NUDT16L1: variants seen among roughly 807,000 people sequenced by gnomAD.
The protein encoded by NUDT16L1 is nudix hydrolase 16 like 1.
In NUDT16L1, 19 loss-of-function variants were observed where a neutral mutation model predicts 17.3. That is an observed-to-expected ratio of 1.10 (90% CI 0.77 to 1.61). The LOEUF is 1.61. Ranked by LOEUF, NUDT16L1 falls within the 40% of genes most tolerant of loss-of-function variation. NUDT16L1 has a pLI of 0.00. For missense variants in NUDT16L1, 341 were observed against 292.0 expected (o/e 1.17, Z -1.22); for synonymous variants, 255 against 138.6 (o/e 1.84, Z -5.90).
At chr16:4,694,093 G>A in exon 2 of NUDT16L1, 1 of 1,591,202 alleles carries the variant, frequency 6.3e-7, no homozygotes, top group Non-Finnish European at 8.5e-7. Flanking sequence ...GGCTGCCTGC[G>A]CCTCACCGAG....
At chr16:4,694,538 C>T (rs2079490538) in intron 2 of NUDT16L1, 13 of 1,433,744 alleles carry the variant, frequency 9.1e-6, no homozygotes, top group South Asian at 1.5e-5. Flanking sequence ...GGGGGAGGAG[C>T]GGGGATTGCT....
chr16:4,694,828 G>T, intron 2 of NUDT16L1, 130 bp from the exon 3 acceptor site: 1 of 1,456,786 alleles, frequency 6.9e-7, no homozygotes, highest in Non-Finnish European at 9.0e-7. Context: ...CAGGCCCTGC[G>T]TGGGTCTCCC....
chr16:4,693,605 G>A (rs1003100814), upstream of NUDT16L1: 4 of 1,168,652 alleles, frequency 3.4e-6, no homozygotes, highest in East Asian at 3.4e-5. Flanking sequence ...CCCGGGGCGC[G>A]CCGGCGATTG....
At chr16:4,694,497 G>C (rs747790170) in intron 2 of NUDT16L1, 110 of 1,519,026 alleles carry the variant, frequency 7.2e-5, no homozygotes, top group Non-Finnish European at 9.2e-5. Flanking sequence ...TCCTGGGAGT[G>C]GGGGAGTGGG....
At chr16:4,693,932 G>C (rs76231733) in intron 1 of NUDT16L1, 46 bp from the exon 2 acceptor site, 1 of 1,505,690 alleles carries the variant, frequency 6.6e-7, no homozygotes, top group South Asian at 1.3e-5. Flanking sequence ...GGGCCCGGGC[G>C]GGGGCGTCCG....
At chr16:4,695,525 T>C in exon 3 of NUDT16L1, 1 of 500,414 alleles carries the variant, frequency 2.0e-6, no homozygotes, top group Non-Finnish European at 3.5e-6. Context: ...GGCGCACAGC[T>C]CTGGGACCAC....
chr16:4,694,556 T>C, intron 2 of NUDT16L1: 1 of 1,446,252 alleles, frequency 6.9e-7, no homozygotes, highest in East Asian at 2.6e-5. Context: ...GCTTGGGGAG[T>C]TGGGAAACTT....
At chr16:4,694,651 T>C in intron 2 of NUDT16L1, 1 of 1,372,938 alleles carries the variant, frequency 7.3e-7, no homozygotes, top group East Asian at 2.9e-5. Context: ...CTGGAAGGGC[T>C]GGACTGCGGG....
exon 3 of NUDT16L1, chr16:4,695,802 G>T (rs1014588517): frequency 2.6e-6 from 1 of 388,452 alleles, no homozygotes; most frequent in Non-Finnish European, 4.5e-6. Context: ...TATGTACAAC[G>T]AAGCTGTCGA....
exon 3 of NUDT16L1, chr16:4,695,822 C>CTA: frequency 2.7e-6 from 1 of 375,732 alleles, no homozygotes; most frequent in Non-Finnish European, 4.7e-6. Flanking sequence ...AAGGAGAAGA[C>CTA]AATAAAGTCG....
exon 3 of NUDT16L1, chr16:4,695,621 G>C: frequency 2.4e-6 from 1 of 420,084 alleles, no homozygotes; most frequent in African/African-American, 2.0e-5. Flanking sequence ...AGGGCCTGGG[G>C]GAGAGCCAGC....
chr16:4,695,405 T>TGCCTCTCCA (rs1270069753), exon 3 of NUDT16L1: 4 of 597,292 alleles, frequency 6.7e-6, no homozygotes, highest in African/African-American at 3.7e-5. Context: ...ACACTGGGCC[T>TGCCTCTCCA]GCCTCTCCAG....
chr16:4,693,595 C>T (rs1289371251), upstream of NUDT16L1: 2 of 1,113,292 alleles, frequency 1.8e-6, no homozygotes. Flanking sequence ...GGGGCTCGGT[C>T]CCGGGGCGCG....
chr16:4,694,042 C>T, exon 2 of NUDT16L1: 1 of 1,584,202 alleles, frequency 6.3e-7, no homozygotes, highest in South Asian at 1.1e-5. Flanking sequence ...CGCTTCTGGT[C>T]GCTGGAGGAC....
intron 2 of NUDT16L1, 68 bp from the exon 3 acceptor site, chr16:4,694,890 G>C (rs1225986977): frequency 2.2e-5 from 34 of 1,534,500 alleles, no homozygotes; most frequent in Non-Finnish European, 2.8e-5. Flanking sequence ...ATAGCTTCCA[G>C]GCCCCTCCTG....
At chr16:4,695,641 G>A (rs545539274) in exon 3 of NUDT16L1, 3 of 417,030 alleles carry the variant, frequency 7.2e-6, no homozygotes, top group African/African-American at 2.0e-5. Flanking sequence ...CTTGGGGTAG[G>A]AAGTTAATAA....
chr16:4,694,362 C>A (rs1439603894), intron 2 of NUDT16L1, 124 bp downstream of exon 2: 23 of 1,479,508 alleles, frequency 1.6e-5, no homozygotes, highest in Non-Finnish European at 2.0e-5. Flanking sequence ...GTCGCTGTCT[C>A]CAGCAATGGG....
exon 3 of NUDT16L1, chr16:4,695,501 T>A (rs1034114994): frequency 3.6e-6 from 2 of 552,230 alleles, no homozygotes; most frequent in Non-Finnish European, 6.4e-6. Context: ...AGTGCCTGAT[T>A]GTCCCACAGG....
At chr16:4,695,504 C>T (rs1334594203) in exon 3 of NUDT16L1, 19 of 549,746 alleles carry the variant, frequency 3.5e-5, no homozygotes, top group Non-Finnish European at 5.8e-5. Flanking sequence ...GCCTGATTGT[C>T]CCACAGGGGT....
Sources: allele counts gnomAD v4.1 joint callset, GRCh38; gene constraint gnomAD v4.1.1; transcripts MANE v1.5; gene names NCBI Gene and HGNC (gene_info 2026-07-23, HGNC 2026-07-21).